The following GRIN2A variants were observed in gnomAD, a reference collection of about 807,000 sequenced individuals.
GRIN2A encodes glutamate ionotropic receptor NMDA type subunit 2A.
Under a neutral mutation model 113.4 loss-of-function variants are expected in GRIN2A, and 22 were observed. That is an observed-to-expected ratio of 0.19 (90% CI 0.14 to 0.28). The LOEUF (loss-of-function observed/expected upper bound fraction) is 0.28, where lower values mean the gene tolerates loss of function less well. GRIN2A is among the 10% of genes least tolerant of loss of function. The pLI, the probability that GRIN2A is intolerant of heterozygous loss-of-function variation, is 1.00. For synonymous variants in GRIN2A, 827 were observed against 738.4 expected, an observed-to-expected ratio of 1.12 and a Z score of -1.94; for missense variants, 1,502 against 1,887.0, an observed-to-expected ratio of 0.80 and a Z score of 3.78.
chr16:10,074,879 G>C (rs2047838539), intron 2 of GRIN2A, among the ~76,000 whole-genome samples: 3 of 152,176 alleles, frequency 2.0e-5, no homozygotes, highest in Admixed American at 2.0e-4. Context: ...AATTTTATGT[G>C]AATTATATCT....
chr16:10,142,016 C>T (rs1194914406), intron 2 of GRIN2A, among the ~76,000 whole-genome samples: 1 of 152,230 alleles, frequency 6.6e-6, no homozygotes, highest in Non-Finnish European at 1.5e-5. Context: ...TCACACTCAA[C>T]AGGGATATGT....
chr16:9,995,171 C>G (rs942319311), intron 2 of GRIN2A, among the ~76,000 whole-genome samples: 2 of 152,274 alleles, frequency 1.3e-5, no homozygotes, highest in East Asian at 3.9e-4. Flanking sequence ...TCTGAGGAAG[C>G]AGCATCTGAG....
rs1230714956 is a variant in GRIN2A at position 9,764,167 on chromosome 16, G to C, written c.3377C>G (p.Pro1126Arg). The part of the protein sequence containing the change: ...KIYTIDGEKE[P>R]GFHLDPPQFV... ...CTGGGGTGGATCTAAGTGGAAACCA[G>C]GCTCCTTCTCACCATCTATAGTGTA... The change falls in exon 13 of 13, where the codon CCT becomes CGT. Residue 1126 changes from proline (P) to arginine (R), a missense_variant. Around this residue, in one of 7 missense-constraint regions of GRIN2A, gnomAD observed 832 missense variants for 789.7 expected, o/e 1.05. Coordinates refer to ENST00000330684, the MANE Select transcript of GRIN2A (RefSeq NM_001134407.3). 4 of 1,613,564 alleles carry C rather than the reference G, an allele frequency of 2.5e-6. No individual in the cohort carries two copies. Among genetic ancestry groups the C allele is most frequent in the Non-Finnish European group, 3.4e-6 (4 of 1,179,604 alleles).
intron 10 of GRIN2A, 112 bp from the exon 11 acceptor site, chr16:9,798,576 G>A (rs1436400802): frequency 2.7e-6 from 2 of 744,180 alleles, no homozygotes; most frequent in Non-Finnish European, 4.7e-6. Context: ...TGCTGGTGAT[G>A]ATGACTCATG....
chr16:10,160,942 C>T (rs1372829837), intron 2 of GRIN2A, among the ~76,000 whole-genome samples: 1 of 152,144 alleles, frequency 6.6e-6, no homozygotes, highest in Non-Finnish European at 1.5e-5. Flanking sequence ...TGCATACCAC[C>T]CCAGGGTTCT....
At chr16:9,773,347 C>CT (rs1226365098) in intron 11 of GRIN2A, among the ~76,000 whole-genome samples, 1 of 152,108 alleles carries the variant, frequency 6.6e-6, no homozygotes, top group Non-Finnish European at 1.5e-5. Context: ...AATGTGCATC[C>CT]TTTAGGTAGG....
intron 2 of GRIN2A, among the ~76,000 whole-genome samples, chr16:10,004,549 T>C (rs1341583996): frequency 6.6e-6 from 1 of 152,056 alleles, no homozygotes; most frequent in Non-Finnish European, 1.5e-5. Context: ...TCAGCAGGGG[T>C]GTATTCTCTG....
intron 2 of GRIN2A, among the ~76,000 whole-genome samples, chr16:10,009,903 G>A (rs1386217507): frequency 6.6e-6 from 1 of 152,228 alleles, no homozygotes; most frequent in Non-Finnish European, 1.5e-5. Flanking sequence ...ATGAACAAGA[G>A]GCAGAGACAG....
Position 9,760,485 on chromosome 16 carries a change from AT to A in GRIN2A, c.*2663del, listed in dbSNP as rs920208155. ...TGTAGCATAACATTTCTGATTATTT[AT>A]TTGAAAAAACACTTCGGTCAGTGAA... On this transcript the variant is annotated 3_prime_UTR_variant, in exon 13 of 13. Coordinates refer to ENST00000330684, the MANE Select transcript of GRIN2A (RefSeq NM_001134407.3). 1.0e-5 allele frequency: 2 copies of A among 190,834 alleles called. No individual in the cohort carries two copies. Among genetic ancestry groups the A allele is most frequent in the African/African-American group, 2.6e-5 (1 of 38,770 alleles). 11.8% of individuals were successfully genotyped at this position (190,834 alleles called of 1,614,324 possible). A position where few individuals can be genotyped will look rare whatever the true frequency, so the allele number is the denominator to read the frequency against.
chr16:10,135,547 C>A (rs2049174051), intron 2 of GRIN2A, among the ~76,000 whole-genome samples: 1 of 152,188 alleles, frequency 6.6e-6, no homozygotes, highest in African/African-American at 2.4e-5. Flanking sequence ...TTTGTTACAA[C>A]AGAGCCCTAT....
chr16:10,035,471 C>G (rs1360094331), intron 2 of GRIN2A, among the ~76,000 whole-genome samples: 1 of 152,220 alleles, frequency 6.6e-6, no homozygotes, highest in Non-Finnish European at 1.5e-5. Flanking sequence ...TTCCCTGGCT[C>G]CTTTCAAAGC....
chr16:9,891,089 T>C lies in GRIN2A; in HGVS notation c.1019A>G (p.Asn340Ser), dbSNP rs1040519934. The part of the protein sequence containing the change: ...PMHTLHPFMV[N>S]VTWDGKDLSF... ...TAAGTCTTTGCCATCCCATGTAACA[T>C]TGACCATAAATCTAGAAAGGGGAAG... Residue 340 changes from asparagine (N) to serine (S), a missense_variant, in exon 4 of 13, where the codon AAT (asparagine) becomes AGT (serine). Physicochemically the swap from Asn to Ser is conservative, Grantham distance 46 (BLOSUM62 1). Around this residue, in one of 7 missense-constraint regions of GRIN2A, gnomAD observed 334 missense variants for 403.0 expected, o/e 0.83. Transcript: ENST00000330684. 2.5e-6 allele frequency: 4 copies of C among 1,606,196 alleles called. No individual in the cohort carries two copies. The highest frequency in any genetic ancestry group is 1.3e-5 in the African/African-American group (1 of 74,796).
intron 2 of GRIN2A, chr16:10,112,357 G>A (rs35273375): frequency 0.029 from 19,141 of 659,818 alleles, 374 homozygotes; most frequent in Middle Eastern, 0.057. Context: ...GTTATGGGCT[G>A]CAGCTCTATC....
chr16:10,147,910 G>A (rs548004271), intron 2 of GRIN2A, among the ~76,000 whole-genome samples: 13 of 152,252 alleles, frequency 8.5e-5, no homozygotes, highest in African/African-American at 2.9e-4. Flanking sequence ...TGGCCACGAC[G>A]GTGCTACTGA....
Position 10,180,266 on chromosome 16 carries a change from C to T in GRIN2A, c.146G>A (p.Arg49His), listed in dbSNP as rs774442834. The T allele has an allele frequency of 4.3e-6, 7 of 1,613,696 alleles. No homozygotes were observed. The East Asian group carries it at 8.9e-5, about 21-fold the overall frequency. The change falls in exon 2 of 13, where the codon CGC (arginine) becomes CAC (histidine). Residue 49 changes from arginine to histidine, a missense_variant. Physicochemically the swap from Arg to His is conservative, Grantham distance 29 (BLOSUM62 0). Transcript: ENST00000330684. This position sits in a 1 kb window ranked among gnomAD's most constrained non-coding sequence, Gnocchi z 7.0. Reference protein sequence around the residue: ...MLGHSHDVTERELRTLWGPEQ... With the variant: ...MLGHSHDVTEHELRTLWGPEQ... Reference sequence around the variant, plus strand: ...GGGGCCCCACAGTGTTCGAAGTTCGCGCTCTGTCACGTCGTGGCTGTGACC... The same window carrying T: ...GGGGCCCCACAGTGTTCGAAGTTCGTGCTCTGTCACGTCGTGGCTGTGACC...
chr16:9,863,374 A>G (rs1280222310), intron 4 of GRIN2A, among the ~76,000 whole-genome samples: 2 of 146,038 alleles, frequency 1.4e-5, no homozygotes, highest in African/African-American at 5.1e-5. Flanking sequence ...GGTGGGGAGA[A>G]AGCAGCCAGA....
chr16:9,981,819 C>G (rs548679494), intron 2 of GRIN2A, among the ~76,000 whole-genome samples: 1 of 152,240 alleles, frequency 6.6e-6, no homozygotes, highest in Admixed American at 6.5e-5. Context: ...GACAGTCTTG[C>G]TCTTTTGCCC....
At chr16:9,899,632 T>G (rs2043879472) in intron 3 of GRIN2A, among the ~76,000 whole-genome samples, 1 of 152,144 alleles carries the variant, frequency 6.6e-6, no homozygotes, top group South Asian at 2.1e-4. Flanking sequence ...ATAATGTTAG[T>G]TGTCTTGGCT....
intron 10 of GRIN2A, among the ~76,000 whole-genome samples, chr16:9,806,838 G>C (rs1409842206): frequency 6.6e-6 from 1 of 152,014 alleles, no homozygotes; most frequent in Non-Finnish European, 1.5e-5. Flanking sequence ...CAGTGATATG[G>C]TTTGTCTGTG....
Sources: gnomAD v4.1 joint callset for allele counts (sites outside exome capture counted in the v4.1 genomes callset) on GRCh38, gnomAD v4.1.1 for gene constraint, gnomAD v4.1.1 regional missense constraint, Gnocchi (gnomAD v3.1) non-coding constraint, MANE v1.5 for transcripts, NCBI Gene and HGNC (gene_info 2026-07-23, HGNC 2026-07-21) for gene names.